The following GIPC3 variants were observed in gnomAD, a reference collection of about 807,000 sequenced individuals.
GIPC3 encodes the protein PDZ domain-containing protein GIPC3.
GIPC3 carries 16 observed loss-of-function variants against 27.3 expected under a neutral mutation model. The observed-to-expected ratio is 0.59, with a 90% CI of 0.40 to 0.89. GIPC3 has a LOEUF of 0.89. Ranked by LOEUF, GIPC3 falls within the 40% of genes least tolerant of loss-of-function variation. GIPC3 has a pLI of 0.00. For synonymous variants in GIPC3, 194 were observed against 184.6 expected, an observed-to-expected ratio of 1.05 and a Z score of -0.41; for missense variants, 440 against 442.1, an observed-to-expected ratio of 1.00 and a Z score of 0.04.
intron 1 of GIPC3, among the ~76,000 whole-genome samples, chr19:3,586,218 G>C (rs986248589): frequency 2.6e-5 from 4 of 152,032 alleles, no homozygotes; most frequent in African/African-American, 9.7e-5. Flanking sequence ...GTTCCTGGGC[G>C]TTTTTCCAAT....
chr19:3,587,014 G>A lies in GIPC3; in HGVS notation c.592+20G>A, dbSNP rs765371956. On this transcript the variant is annotated intron_variant, in intron 3 of 5. Coordinates refer to ENST00000644452, the MANE Select transcript of GIPC3 (RefSeq NM_133261.3). ...CCTTCGGTGAGGCGGGTGGGCTGGC[G>A]GGAGCTCTTCCCGAAGTGCGTTCTA... 5.0e-6 allele frequency: 8 copies of A among 1,604,484 alleles called. No individual in the cohort carries two copies. The highest frequency in any genetic ancestry group is 3.4e-5 in the Admixed American group (2 of 59,022).
intron 5 of GIPC3, 51 bp from the exon 6 acceptor site, chr19:3,589,988 G>C: frequency 1.2e-6 from 2 of 1,613,304 alleles, no homozygotes; most frequent in South Asian, 1.1e-5. Context: ...CCAGCGGGAA[G>C]TTGGGCGCGG....
chr19:3,589,721 C>T, intron 4 of GIPC3, 110 bp from the exon 5 acceptor site: 1 of 1,186,184 alleles, frequency 8.4e-7, no homozygotes, highest in Non-Finnish European at 1.2e-6. Flanking sequence ...GCACTACTGA[C>T]TCGTGTGAGG....
chr19:3,592,401 A>C lies in GIPC3; in HGVS notation c.*2211A>C, dbSNP rs1432398356. On this transcript the variant is annotated 3_prime_UTR_variant, in exon 6 of 6. Transcript: ENST00000644452. Reference sequence around the variant, plus strand: ...CTCAAGAATTCAAGCCAGCTCTGGAAGTCAGCTTAGTTCGGGAACCCAGCT... The same window carrying C: ...CTCAAGAATTCAAGCCAGCTCTGGACGTCAGCTTAGTTCGGGAACCCAGCT... 8.1e-7 allele frequency: 1 copy of C among 1,231,894 alleles called. No individual in the cohort carries two copies. Among genetic ancestry groups the C allele is most frequent in the Non-Finnish European group, 1.0e-6 (1 of 987,994 alleles). 76.3% of individuals were successfully genotyped at this position (1,231,894 alleles called of 1,614,324 possible).
Position 3,589,463 on chromosome 19 carries a change from C to T in GIPC3, c.613C>T (p.Arg205Trp), listed in dbSNP as rs182473859. Residue 205 changes from arginine (R) to tryptophan (W), a missense_variant, in exon 4 of 6, where the codon CGG becomes TGG. Coordinates refer to ENST00000644452, the MANE Select transcript of GIPC3 (RefSeq NM_133261.3). ...RAFDMIGQRS[R>W]SSKCPVEAKV... ...TCCAGATATGATTGGCCAGAGAAGT[C>T]GGTCCAGCAAATGTCCAGTAGAGGC... is the stretch of plus-strand genomic sequence containing the variant. The T allele has an allele frequency of 1.3e-4, 212 of 1,613,820 alleles. No individual in the cohort carries two copies. Among genetic ancestry groups the T allele is most frequent in the African/African-American group, 1.0e-3 (76 of 74,990 alleles).
chr19:3,593,295 T>G lies in GIPC3; in HGVS notation c.*3105T>G, dbSNP rs2032525480. The G allele has an allele frequency of 8.1e-7, 1 of 1,232,338 alleles. No homozygotes were observed. The allele number at this position is 1,232,338 out of a possible 1,614,324, so 76.3% of individuals were successfully genotyped here. ...TTACCGCGGGGGGCCGTAGCTTGGC[T>G]GTGACTTAGCCCTGGTTCATGTGGT... On this transcript the variant is annotated 3_prime_UTR_variant, in exon 6 of 6. Transcript: ENST00000644452.
intron 3 of GIPC3, among the ~76,000 whole-genome samples, chr19:3,588,580 T>C: frequency 7.1e-6 from 1 of 140,440 alleles, no homozygotes; most frequent in Non-Finnish European, 1.5e-5. Flanking sequence ...ACACCTGTAA[T>C]CCCAGCACTT....
Position 3,593,215 on chromosome 19 carries a change from C to A in GIPC3, c.*3025C>A, listed in dbSNP as rs1443050824. 8.1e-6 allele frequency: 10 copies of A among 1,232,388 alleles called. No individual in the cohort carries two copies. Among genetic ancestry groups the A allele is most frequent in the Non-Finnish European group, 1.0e-5 (10 of 988,236 alleles). 76.3% of individuals were successfully genotyped at this position (1,232,388 alleles called of 1,614,324 possible). Reference sequence around the variant, plus strand: ...CTCCTGAGTTCCCAGCTGTCTGAGTCCCCAGCTTTGGCGCCAGCCCTTTGC... The same window carrying A: ...CTCCTGAGTTCCCAGCTGTCTGAGTACCCAGCTTTGGCGCCAGCCCTTTGC... On this transcript the variant is annotated 3_prime_UTR_variant, in exon 6 of 6. Transcript: ENST00000644452.
At position 3,585,481 on chromosome 19, in the gene GIPC3, C is replaced by A. The variant is rs1231174252; in HGVS notation, c.-117C>A. The A allele has an allele frequency of 3.1e-6, 3 of 961,556 alleles. No individual in the cohort carries two copies. Among genetic ancestry groups the A allele is most frequent in the African/African-American group, 1.8e-5 (1 of 56,808 alleles). The allele number at this position is 961,556 out of a possible 1,614,324, so 59.6% of individuals were successfully genotyped here. A position where few individuals can be genotyped will look rare whatever the true frequency, so the allele number is the denominator to read the frequency against. ...TCCCGGGAGGCTCGGGTTCCCAGAT[C>A]CCCTTACCCGGGCGTCTCGGCTGTC... On this transcript the variant is annotated 5_prime_UTR_variant, in exon 1 of 6. Coordinates refer to ENST00000644452, the MANE Select transcript of GIPC3 (RefSeq NM_133261.3).
In GIPC3 at chr19:3,592,661, C is replaced by T. The variant is rs540873938; in HGVS notation, c.*2471C>T. The stretch of plus-strand genomic sequence containing the variant: ...CCCAGACCGGCTCAAGAATTCAGCC[C>T]GACTCTGGAGCCCAACTTAGTTCCA... On this transcript the variant is annotated 3_prime_UTR_variant, in exon 6 of 6. Coordinates refer to ENST00000644452, the MANE Select transcript of GIPC3 (RefSeq NM_133261.3). 19 of 1,231,886 alleles carry T rather than the reference C, an allele frequency of 1.5e-5. No individual in the cohort carries two copies. In the East Asian group the frequency reaches 2.5e-4, roughly 16 times the overall value. The allele number at this position is 1,231,886 out of a possible 1,614,324, so 76.3% of individuals were successfully genotyped here.
At chr19:3,588,000 TTTTTAA>T (rs1000081103) in intron 3 of GIPC3, among the ~76,000 whole-genome samples, 4 of 151,978 alleles carry the variant, frequency 2.6e-5, no homozygotes, top group African/African-American at 9.6e-5. Flanking sequence ...TGCCAGCTAA[TTTTTAA>T]TTTTTTTCTT....
chr19:3,585,481 C>T lies in GIPC3; in HGVS notation c.-117C>T, dbSNP rs1231174252. On this transcript the variant is annotated 5_prime_UTR_variant, in exon 1 of 6. Transcript: ENST00000644452. ...TCCCGGGAGGCTCGGGTTCCCAGAT[C>T]CCCTTACCCGGGCGTCTCGGCTGTC... is the stretch of plus-strand genomic sequence containing the variant. 3 of 961,562 alleles carry T rather than the reference C, an allele frequency of 3.1e-6. No individual in the cohort carries two copies. Among genetic ancestry groups the T allele is most frequent in the Non-Finnish European group, 2.5e-6 (2 of 791,942 alleles). 59.6% of individuals were successfully genotyped at this position (961,562 alleles called of 1,614,324 possible).
intron 3 of GIPC3, among the ~76,000 whole-genome samples, chr19:3,588,659 A>AAAAAAAC: frequency 6.7e-6 from 1 of 150,006 alleles, no homozygotes; most frequent in African/African-American, 2.5e-5. Flanking sequence ...AAAAAAAAAA[A>AAAAAAAC]CCTGGCTGGG....
chr19:3,589,320 G>C, intron 3 of GIPC3, 123 bp from the exon 4 acceptor site: 2 of 750,344 alleles, frequency 2.7e-6, no homozygotes, highest in Non-Finnish European at 4.9e-6. Flanking sequence ...TTGCCGTACA[G>C]ATGTAAGGAG....
intron 3 of GIPC3, 95 bp from the exon 4 acceptor site, chr19:3,589,348 A>C: frequency 2.3e-6 from 2 of 866,184 alleles, no homozygotes; most frequent in South Asian, 1.3e-5. Context: ...AAGGGGAGGA[A>C]GATTCTAGAA....
At chr19:3,587,700 T>TTCTTTTCTTTTCTTTTC (rs895265099) in intron 3 of GIPC3, among the ~76,000 whole-genome samples, 3 of 147,188 alleles carry the variant, frequency 2.0e-5, no homozygotes, top group Non-Finnish European at 4.5e-5. Context: ...CTTTTCTTTT[T>TTCTTTTCTTTTCTTTTC]TTTTTTTTGA....
chr19:3,587,436 T>C (rs1407854791), intron 3 of GIPC3, among the ~76,000 whole-genome samples: 1 of 149,218 alleles, frequency 6.7e-6, no homozygotes, highest in East Asian at 2.1e-4. Flanking sequence ...CACCCACCAT[T>C]GCGCCTGGCT....
At chr19:3,587,830 A>G (rs2032404213) in intron 3 of GIPC3, among the ~76,000 whole-genome samples, 1 of 151,184 alleles carries the variant, frequency 6.6e-6, no homozygotes, top group Non-Finnish European at 1.5e-5. Context: ...AGCTGGGACT[A>G]CAGGCGCCCG....
chr19:3,593,038 C>T lies in GIPC3; in HGVS notation c.*2848C>T. The T allele has an allele frequency of 8.1e-7, 1 of 1,232,306 alleles. No individual in the cohort carries two copies. Among genetic ancestry groups the T allele is most frequent in the South Asian group, 4.1e-5 (1 of 24,320 alleles). 76.3% of individuals were successfully genotyped at this position (1,232,306 alleles called of 1,614,324 possible). On this transcript the variant is annotated 3_prime_UTR_variant, in exon 6 of 6. Coordinates refer to ENST00000644452, the MANE Select transcript of GIPC3 (RefSeq NM_133261.3). The stretch of plus-strand genomic sequence containing the variant: ...ATCCAGGCCAGCCTTGGCCCCATCC[C>T]AGGCTTACCCCAAGCCTCCTACCTG...
Sources: allele counts gnomAD v4.1 joint callset (sites outside exome capture counted in the v4.1 genomes callset), GRCh38; gene constraint gnomAD v4.1.1; transcripts MANE v1.5; gene names NCBI Gene and HGNC (gene_info 2026-07-23, HGNC 2026-07-21).